Variants in PACRG observed in about 807,000 individuals in gnomAD.
The protein encoded by PACRG is parkin coregulated gene protein.
Under a neutral mutation model 29.7 loss-of-function variants are expected in PACRG, and 29 were observed. The observed-to-expected ratio is 0.98, with a 90% CI of 0.73 to 1.33. The LOEUF (loss-of-function observed/expected upper bound fraction) is 1.33, where lower values mean the gene tolerates loss of function less well. PACRG is among the 40% of genes most tolerant of loss of function. The probability of loss-of-function intolerance (pLI) is 0.00; values close to 1 mark genes in which losing one functional copy is unlikely to be tolerated. For missense variants in PACRG, 279 were observed against 316.2 expected, an observed-to-expected ratio of 0.88 and a Z score of 0.89; for synonymous variants, 116 against 118.7, an observed-to-expected ratio of 0.98 and a Z score of 0.15.
intron 1 of PACRG, among the ~76,000 whole-genome samples, chr6:162,738,586 T>A (rs1338755026): frequency 6.6e-6 from 1 of 152,220 alleles, no homozygotes; most frequent in African/African-American, 2.4e-5. Context: ...GCAAGCCCAA[T>A]CTTTGTAGAT....
intron 2 of PACRG, among the ~76,000 whole-genome samples, chr6:163,012,682 A>G (rs1805725417): frequency 6.6e-6 from 1 of 152,178 alleles, no homozygotes; most frequent in Admixed American, 6.5e-5. Context: ...TACACCCTAT[A>G]ATGTTCTAAC....
At chr6:163,203,706 C>G (rs1329407796) in intron 4 of PACRG, among the ~76,000 whole-genome samples, 1 of 152,214 alleles carries the variant, frequency 6.6e-6, no homozygotes, top group East Asian at 1.9e-4. Context: ...GTGTCACCAG[C>G]TCATCAGAAA....
In PACRG at chr6:162,747,378, ATGT is replaced by A. The variant is rs1562556695; in HGVS notation, c.156+18988_156+18990del. 4.5e-4 allele frequency among the ~76,000 whole-genome samples: 31 copies of A among 69,470 alleles called. 3 individuals carry two copies. Among genetic ancestry groups the A allele is most frequent in the Admixed American group, 1.3e-3 (8 of 6,098 alleles). The allele number at this position is 69,470 out of a possible 152,430, so 45.6% of individuals were successfully genotyped here. A position where few individuals can be genotyped will look rare whatever the true frequency, so the allele number is the denominator to read the frequency against. ...TATATATATATACACATACATATATATGTATATATATGTATATATATATGTATA... is the reference window on the plus strand; with the variant it reads ...TATATATATATACACATACATATATAATATATATGTATATATATATGTATA... On this transcript the variant is annotated intron_variant, in intron 1 of 4. Transcript: ENST00000366888.
intron 1 of PACRG, among the ~76,000 whole-genome samples, chr6:162,756,012 CTTAATATTAT>C (rs1294599105): frequency 1.3e-5 from 2 of 151,902 alleles, no homozygotes; most frequent in Non-Finnish European, 2.9e-5. Flanking sequence ...GAAAAAAATA[CTTAATATTAT>C]TTCAGTCCTC....
At chr6:162,839,538 T>A (rs1290673101) in intron 2 of PACRG, among the ~76,000 whole-genome samples, 2 of 151,962 alleles carry the variant, frequency 1.3e-5, no homozygotes, top group Non-Finnish European at 2.9e-5. Context: ...TCCCATTTTG[T>A]AGGTTGCTTG....
chr6:163,288,666 C>T (rs574243246), intron 4 of PACRG, among the ~76,000 whole-genome samples: 6 of 152,294 alleles, frequency 3.9e-5, no homozygotes, highest in Admixed American at 2.6e-4. Flanking sequence ...AATGTGCTCT[C>T]GATTATCTAA....
chr6:162,905,202 T>C (rs1454227628), intron 2 of PACRG, among the ~76,000 whole-genome samples: 1 of 152,016 alleles, frequency 6.6e-6, no homozygotes, highest in African/African-American at 2.4e-5. Flanking sequence ...AGTCATTCAG[T>C]TGAGGATGCA....
At chr6:163,046,991 A>G (rs1809468620) in intron 2 of PACRG, among the ~76,000 whole-genome samples, 1 of 152,238 alleles carries the variant, frequency 6.6e-6, no homozygotes, top group Admixed American at 6.5e-5. Flanking sequence ...GCCTCCTGGC[A>G]TTAACTTCAC....
At chr6:163,150,383 C>A (rs1334651144) in intron 4 of PACRG, among the ~76,000 whole-genome samples, 4 of 152,174 alleles carry the variant, frequency 2.6e-5, no homozygotes, top group African/African-American at 9.7e-5. Context: ...TGGCTCTAAT[C>A]CTCCTCTACA....
At chr6:162,776,462 T>G (rs929332480) in intron 1 of PACRG, among the ~76,000 whole-genome samples, 1 of 152,176 alleles carries the variant, frequency 6.6e-6, no homozygotes, top group Non-Finnish European at 1.5e-5. Flanking sequence ...GTCTTTGTGC[T>G]CCTCAAAGCA....
At chr6:163,198,589 C>G (rs993308516) in intron 4 of PACRG, among the ~76,000 whole-genome samples, 1 of 152,146 alleles carries the variant, frequency 6.6e-6, no homozygotes, top group Non-Finnish European at 1.5e-5. Context: ...TTGTCTGGCA[C>G]CAAGGATCTG....
At chr6:163,122,613 G>A (rs1450502348) in intron 4 of PACRG, among the ~76,000 whole-genome samples, 1 of 152,140 alleles carries the variant, frequency 6.6e-6, no homozygotes, top group African/African-American at 2.4e-5. Flanking sequence ...GACTTCCACT[G>A]TGACCAGATG....
At chr6:162,881,956 ATGG>A (rs1793894201) in intron 2 of PACRG, among the ~76,000 whole-genome samples, 1 of 35,340 alleles carries the variant, frequency 2.8e-5, no homozygotes, top group Non-Finnish European at 5.4e-5. Flanking sequence ...AAGACCAGAG[ATGG>A]GTGGGGGGGG....
chr6:162,794,066 G>A lies in PACRG; in HGVS notation c.157-20081G>A, dbSNP rs181653035. Among the ~76,000 whole-genome samples, 257 of 152,226 alleles carry A rather than the reference G, an allele frequency of 1.7e-3. 9 individuals carry two copies. The South Asian group carries it at 0.052, about 31-fold the overall frequency. On this transcript the variant is annotated intron_variant, in intron 1 of 4. Transcript: ENST00000366888. Reference sequence around the variant, plus strand: ...GGCAATGGTAAATGGTTTCCAAAGTGTATCCATTTACACTCAAACTAGCAG... The same window carrying A: ...GGCAATGGTAAATGGTTTCCAAAGTATATCCATTTACACTCAAACTAGCAG...
chr6:163,275,165 T>C (rs904309625), intron 4 of PACRG, among the ~76,000 whole-genome samples: 3 of 152,180 alleles, frequency 2.0e-5, no homozygotes, highest in South Asian at 2.1e-4. Flanking sequence ...TGAGCCACCA[T>C]GCCCAGCCCT....
intron 4 of PACRG, among the ~76,000 whole-genome samples, chr6:163,262,866 AC>A (rs113163742): frequency 0.11 from 12,340 of 115,910 alleles, 1,362 homozygotes; most frequent in African/African-American, 0.3. Flanking sequence ...ACATAGTGAG[AC>A]CCCCCCCCCC....
chr6:162,870,251 C>A (rs908017363), intron 2 of PACRG, among the ~76,000 whole-genome samples: 2 of 152,192 alleles, frequency 1.3e-5, no homozygotes, highest in African/African-American at 4.8e-5. Context: ...GATTACCAAG[C>A]GTTCAATGAA....
At chr6:163,000,085 GAT>G (rs1015766314) in intron 2 of PACRG, among the ~76,000 whole-genome samples, 2 of 152,130 alleles carry the variant, frequency 1.3e-5, no homozygotes, top group African/African-American at 4.8e-5. Flanking sequence ...AGATTAGTCT[GAT>G]CATTAAGATC....
At chr6:163,303,354 A>G (rs1785075546) in intron 4 of PACRG, among the ~76,000 whole-genome samples, 1 of 152,168 alleles carries the variant, frequency 6.6e-6, no homozygotes, top group Non-Finnish European at 1.5e-5. Context: ...TCTGAGATGA[A>G]TTTTTATTTT....
Sources: allele counts gnomAD v4.1 joint callset (sites outside exome capture counted in the v4.1 genomes callset), GRCh38; gene constraint gnomAD v4.1.1; transcripts MANE v1.5; gene names NCBI Gene and HGNC (gene_info 2026-07-23, HGNC 2026-07-21).